TNFAIP8: variants seen among roughly 807,000 people sequenced by gnomAD.
TNFAIP8 encodes the protein TNF alpha induced protein 8.
In TNFAIP8, 7 loss-of-function variants were observed where a neutral mutation model predicts 13.3. That is an observed-to-expected ratio of 0.52 (90% CI 0.30 to 0.99). The LOEUF (loss-of-function observed/expected upper bound fraction) is 0.99. Among genes scored for constraint, TNFAIP8 ranks in the 50% least tolerant of loss-of-function variants. The pLI, the probability that TNFAIP8 is intolerant of heterozygous loss-of-function variation, is 0.07. For synonymous variants in TNFAIP8, 94 were observed against 87.6 expected (o/e 1.07, Z -0.41); for missense variants, 258 against 236.9 (o/e 1.09, Z -0.58).
In TNFAIP8 at chr5:119,393,469, A is replaced by G. The variant is rs1488275621; in HGVS notation, c.*88A>G. ...GAAGGAAAAAAGAAGAATTTTCTAA[A>G]GATTACACATATTTCAGAAAGACTT... On this transcript the variant is annotated 3_prime_UTR_variant, in exon 2 of 2. Transcript: ENST00000504771. 1 of 1,208,110 alleles carries G rather than the reference A, an allele frequency of 8.3e-7. No homozygotes were observed. The highest frequency in any genetic ancestry group is 2.3e-5 in the Admixed American group (1 of 43,956). The allele number at this position is 1,208,110 out of a possible 1,614,324, so 74.8% of individuals were successfully genotyped here. A position where few individuals can be genotyped will look rare whatever the true frequency, so the allele number is the denominator to read the frequency against.
At chr5:119,351,620 T>A (rs972932272), upstream of TNFAIP8, among the ~76,000 whole-genome samples, 1 of 152,148 alleles carries the variant, frequency 6.6e-6, no homozygotes, top group African/African-American at 2.4e-5. Context: ...TGTAGCCCCA[T>A]CGCTAAGTTG....
At position 119,364,841 on chromosome 5, in the gene TNFAIP8, G is replaced by GTTTTTTTTTTT. The variant is rs10714712; in HGVS notation, c.31+8738_31+8748dup. On this transcript the variant is annotated intron_variant, in intron 1 of 1. Coordinates refer to ENST00000504771, the MANE Select transcript of TNFAIP8 (RefSeq NM_014350.4). ...GGTTTTTTCCCCTTTTTTCTTTTCA[G>GTTTTTTTTTTT]TTTTTTTTTTTTTTTTTTTTTTTTT... is the stretch of plus-strand genomic sequence containing the variant. Among the ~76,000 whole-genome samples, 5 of 88,696 alleles carry GTTTTTTTTTTT rather than the reference G, an allele frequency of 5.6e-5. 1 individual carries two copies. Among genetic ancestry groups the GTTTTTTTTTTT allele is most frequent in the African/African-American group, 1.9e-4 (4 of 21,502 alleles). The allele number at this position is 88,696 out of a possible 152,430, so 58.2% of individuals were successfully genotyped here.
chr5:119,298,650 G>C (rs1749257981), intron 1 of TNFAIP8, among the ~76,000 whole-genome samples: 1 of 152,008 alleles, frequency 6.6e-6, no homozygotes, highest in African/African-American at 2.4e-5. Context: ...CTGAATGTTG[G>C]CCTGCCTTGC....
intron 1 of TNFAIP8, among the ~76,000 whole-genome samples, chr5:119,339,751 T>G (rs3813305): frequency 0.066 from 9,978 of 152,256 alleles, 381 homozygotes; most frequent in African/African-American, 0.099. Context: ...CTATGGTAAT[T>G]ACATGCTCCG....
intron 1 of TNFAIP8, among the ~76,000 whole-genome samples, chr5:119,327,140 G>A (rs186482973): frequency 6.6e-6 from 1 of 152,300 alleles, no homozygotes; most frequent in African/African-American, 2.4e-5. Flanking sequence ...GAGATGAGAT[G>A]TTGTTTCCTG....
At chr5:119,288,391 G>T (rs182315779) in intron 1 of TNFAIP8, among the ~76,000 whole-genome samples, 1 of 152,110 alleles carries the variant, frequency 6.6e-6, no homozygotes, top group African/African-American at 2.4e-5. Context: ...TAAAAGGCAC[G>T]GTCTTATTCT....
chr5:119,314,749 A>G (rs1012626192), intron 1 of TNFAIP8, among the ~76,000 whole-genome samples: 2 of 152,240 alleles, frequency 1.3e-5, no homozygotes, highest in South Asian at 2.1e-4. Flanking sequence ...TTAAGACTGC[A>G]TAAGCCTCAA....
intron 1 of TNFAIP8, among the ~76,000 whole-genome samples, chr5:119,364,043 A>T (rs1464085707): frequency 2.6e-5 from 4 of 152,200 alleles, no homozygotes; most frequent in Non-Finnish European, 4.4e-5. Context: ...TGCCTTGTCC[A>T]GGCAGGCCAC....
intron 1 of TNFAIP8, among the ~76,000 whole-genome samples, chr5:119,280,821 G>A (rs1016725469): frequency 6.6e-6 from 1 of 152,076 alleles, no homozygotes; most frequent in African/African-American, 2.4e-5. Context: ...CATAGGAAAG[G>A]GATGATAAAT....
At chr5:119,297,004 G>A (rs1402416050) in intron 1 of TNFAIP8, among the ~76,000 whole-genome samples, 1 of 151,982 alleles carries the variant, frequency 6.6e-6, no homozygotes, top group Non-Finnish European at 1.5e-5. Context: ...GCGTCTATTT[G>A]ATTCTTCTCT....
upstream of TNFAIP8, chr5:119,355,615 CA>C (rs532340046): frequency 3.9e-5 from 22 of 560,406 alleles, no homozygotes; most frequent in Non-Finnish European, 6.3e-5. Context: ...AATACAGAGG[CA>C]TTGGTTCTAC....
intron 1 of TNFAIP8, among the ~76,000 whole-genome samples, chr5:119,346,347 G>C (rs906997173): frequency 2.0e-5 from 3 of 152,190 alleles, no homozygotes; most frequent in South Asian, 2.1e-4. Context: ...GTTTGCAGCA[G>C]CCTGCAGAAA....
chr5:119,387,156 G>A (rs908577489), intron 1 of TNFAIP8, among the ~76,000 whole-genome samples: 1 of 152,122 alleles, frequency 6.6e-6, no homozygotes, highest in Non-Finnish European at 1.5e-5. Context: ...TCCATGTAGG[G>A]AGGTCAACTC....
chr5:119,297,276 A>C (rs1356183434), intron 1 of TNFAIP8, among the ~76,000 whole-genome samples: 1 of 151,868 alleles, frequency 6.6e-6, no homozygotes, highest in East Asian at 1.9e-4. Context: ...CACTGCTTTG[A>C]AAGTGTCCCA....
At chr5:119,273,439 A>C (rs991422464) in intron 1 of TNFAIP8, among the ~76,000 whole-genome samples, 8 of 150,928 alleles carry the variant, frequency 5.3e-5, no homozygotes, top group African/African-American at 2.0e-4. Context: ...GGGTGAATGT[A>C]GCACAACTTC....
At chr5:119,333,537 G>T (rs1226320901) in intron 1 of TNFAIP8, 2 of 1,534,716 alleles carry the variant, frequency 1.3e-6, no homozygotes, top group Admixed American at 3.9e-5. Flanking sequence ...ACGTCAACAG[G>T]GTGGTTGCAT....
intron 1 of TNFAIP8, among the ~76,000 whole-genome samples, chr5:119,278,070 C>T (rs1211945013): frequency 6.6e-6 from 1 of 152,126 alleles, no homozygotes; most frequent in Non-Finnish European, 1.5e-5. Flanking sequence ...CAATTCAGAT[C>T]ATAACAATCG....
At chr5:119,333,285 G>T (rs1750441517) in intron 1 of TNFAIP8, 33 of 1,105,834 alleles carry the variant, frequency 3.0e-5, no homozygotes, top group Non-Finnish European at 3.5e-5. Flanking sequence ...TGTTGTGAAT[G>T]TGGAGACCTC....
intron 1 of TNFAIP8, among the ~76,000 whole-genome samples, chr5:119,332,282 C>T (rs1480092595): frequency 6.6e-6 from 1 of 152,104 alleles, no homozygotes; most frequent in Non-Finnish European, 1.5e-5. Flanking sequence ...TTATTTGCTT[C>T]ACGTGGTTCT....
Sources: allele counts gnomAD v4.1 joint callset (sites outside exome capture counted in the v4.1 genomes callset), GRCh38; gene constraint gnomAD v4.1.1; transcripts MANE v1.5; gene names NCBI Gene and HGNC (gene_info 2026-07-23, HGNC 2026-07-21).